RPN1: variants seen among roughly 807,000 people sequenced by gnomAD.
RPN1 encodes the protein dolichyl-diphosphooligosaccharide--protein glycosyltransferase subunit 1.
Under a neutral mutation model 55.5 loss-of-function variants are expected in RPN1, and 12 were observed. The observed-to-expected ratio is 0.22, with a 90% CI of 0.14 to 0.35. The LOEUF is 0.35. Ranked by LOEUF, RPN1 falls within the 10% of genes least tolerant of loss-of-function variation. The pLI is 1.00. For missense variants in RPN1, 679 were observed against 761.3 expected (o/e 0.89, Z 1.27); for synonymous variants, 317 against 305.9 (o/e 1.04, Z -0.38).
At position 128,619,971 on chromosome 3, in the gene RPN1, A is replaced by G; in HGVS notation, c.*440T>C. ...GAGATCTTCAACAGACCAAAAACAA[A>G]TGTTCACAGTCCCTGCTTTATTTCC... is the stretch of plus-strand genomic sequence containing the variant. On this transcript the variant is annotated 3_prime_UTR_variant, in exon 10 of 10. Transcript: ENST00000296255. 1 of 209,240 alleles carries G rather than the reference A, an allele frequency of 4.8e-6. No individual in the cohort carries two copies. The highest frequency in any genetic ancestry group is 1.9e-4 in the South Asian group (1 of 5,320). The allele number at this position is 209,240 out of a possible 1,614,324, so 13.0% of individuals were successfully genotyped here. A position where few individuals can be genotyped will look rare whatever the true frequency, so the allele number is the denominator to read the frequency against.
intron 1 of RPN1, among the ~76,000 whole-genome samples, chr3:128,647,157 A>G (rs550122575): frequency 4.6e-5 from 7 of 152,244 alleles, no homozygotes; most frequent in South Asian, 2.1e-4. Flanking sequence ...AGCAGACTGC[A>G]AGGGAGAAGG....
chr3:128,645,005 T>C, intron 1 of RPN1, 22 bp from the exon 2 acceptor site: 3 of 1,397,292 alleles, frequency 2.1e-6, no homozygotes, highest in Non-Finnish European at 3.1e-6. Flanking sequence ...AAAGATAGTT[T>C]ATTATTCATG....
In RPN1 at chr3:128,626,838, G is replaced by C. The variant is rs960257107; in HGVS notation, c.1037-6C>G. The C allele has an allele frequency of 6.2e-7, 1 of 1,613,138 alleles. No individual in the cohort carries two copies. Among genetic ancestry groups the C allele is most frequent in the Admixed American group, 1.7e-5 (1 of 60,004 alleles). ...CTTCAGTGCATACTGGTCACCTGAA[G>C]GATCAAGCAAGCATAAGCAATGATG... On this transcript the variant is annotated splice_polypyrimidine_tract_variant and splice_region_variant and intron_variant, in intron 5 of 9. Coordinates refer to ENST00000296255, the MANE Select transcript of RPN1 (RefSeq NM_002950.4).
intron 1 of RPN1, among the ~76,000 whole-genome samples, chr3:128,649,394 A>G (rs2069796592): frequency 6.6e-6 from 1 of 152,208 alleles, no homozygotes; most frequent in South Asian, 2.1e-4. Context: ...ACATTCAAAG[A>G]TGGCAAGGCA....
intron 3 of RPN1, among the ~76,000 whole-genome samples, chr3:128,632,992 A>C (rs2069652216): frequency 6.6e-6 from 1 of 152,218 alleles, no homozygotes; most frequent in Non-Finnish European, 1.5e-5. Context: ...CATGAAAAGG[A>C]CAAGATCTAT....
rs10575402 is a variant in RPN1 at position 128,636,485 on chromosome 3, C to CA, written c.633+1313dup. Among the ~76,000 whole-genome samples the CA allele has an allele frequency of 3.4e-4, 51 of 148,998 alleles. 2 individuals are homozygous for CA. The East Asian group carries it at 4.3e-3, about 13-fold the overall frequency. ...CAAAAAAAATAAAATAAAATAAAGA[C>CA]AAAAAAAAAAAAAGAAACAATTATT... is the stretch of plus-strand genomic sequence containing the variant. On this transcript the variant is annotated intron_variant, in intron 3 of 9. Coordinates refer to ENST00000296255, the MANE Select transcript of RPN1 (RefSeq NM_002950.4).
At chr3:128,650,516 C>G in intron 1 of RPN1, 24 bp downstream of exon 1, 2 of 1,516,058 alleles carry the variant, frequency 1.3e-6, no homozygotes, top group Non-Finnish European at 8.8e-7. Context: ...CCGGGAGCGG[C>G]GGCGAGGGGT....
At chr3:128,626,093 TAAGG>T in intron 6 of RPN1, 81 bp from the exon 7 acceptor site, 1 of 1,399,156 alleles carries the variant, frequency 7.1e-7, no homozygotes, top group Non-Finnish European at 9.7e-7. Flanking sequence ...ATTCCAAGGC[TAAGG>T]AGCCTTTCAA....
intron 1 of RPN1, 63 bp downstream of exon 1, chr3:128,650,477 G>A: frequency 2.1e-6 from 3 of 1,455,776 alleles, no homozygotes; most frequent in South Asian, 1.3e-5. Context: ...GGAGTCGGGG[G>A]ACCGCCAGGA....
intron 2 of RPN1, among the ~76,000 whole-genome samples, chr3:128,644,147 A>G: frequency 6.6e-6 from 1 of 152,156 alleles, no homozygotes; most frequent in East Asian, 1.9e-4. Flanking sequence ...AGATAGGAGA[A>G]TACTTGCTGA....
In RPN1 at chr3:128,625,526, G is replaced by T. The variant is rs200378103; in HGVS notation, c.1395+8C>A. On this transcript the variant is annotated splice_region_variant and intron_variant, in intron 8 of 9. Transcript: ENST00000296255. ...AAATGACAAGCAGGAAGAAGGCAGAGACGGTACCTTGGTGATGGAGAAGTC... is the reference window on the plus strand; with the variant it reads ...AAATGACAAGCAGGAAGAAGGCAGATACGGTACCTTGGTGATGGAGAAGTC... 6.2e-7 allele frequency: 1 copy of T among 1,614,084 alleles called. No homozygotes were observed. Among genetic ancestry groups the T allele is most frequent in the East Asian group, 2.2e-5 (1 of 44,850 alleles).
Position 128,638,096 on chromosome 3 carries a change from G to T in RPN1, c.336C>A (p.Phe112Leu), listed in dbSNP as rs1191615052. Residue 112 changes from phenylalanine (F) to leucine (L), a missense_variant, in exon 3 of 10, where the codon TTC (phenylalanine) becomes TTA (leucine). Physicochemically the swap from Phe to Leu is conservative, Grantham distance 22. Coordinates refer to ENST00000296255, the MANE Select transcript of RPN1 (RefSeq NM_002950.4). Reference protein sequence around the residue: ...ETKIKGKSGRFFTVKLPVALD... With the variant: ...ETKIKGKSGRLFTVKLPVALD... ...GAGCAACTGGGAGCTTGACTGTGAA[G>T]AATCTCCCACTAAAGGAAGAACAAG... is the stretch of plus-strand genomic sequence containing the variant. 6.2e-7 allele frequency: 1 copy of T among 1,611,340 alleles called. No individual in the cohort carries two copies. The highest frequency in any genetic ancestry group is 2.2e-5 in the East Asian group (1 of 44,844).
chr3:128,626,629 A>G, intron 6 of RPN1, 104 bp downstream of exon 6: 1 of 955,210 alleles, frequency 1.0e-6, no homozygotes. Context: ...ATCTAGAGAA[A>G]AGTGACACAA....
At chr3:128,635,690 T>TATACAC (rs376139334) in intron 3 of RPN1, among the ~76,000 whole-genome samples, 21 of 138,276 alleles carry the variant, frequency 1.5e-4, no homozygotes, top group African/African-American at 4.1e-4. Context: ...TCTATAGATA[T>TATACAC]ACACACACAC....
At chr3:128,644,546 C>A in intron 2 of RPN1, 1 of 442,404 alleles carries the variant, frequency 2.3e-6, no homozygotes, top group Non-Finnish European at 4.4e-6. Flanking sequence ...TCTAGTCCCA[C>A]CTATTTGGGA....
chr3:128,634,022 A>G (rs2069660036), intron 3 of RPN1, among the ~76,000 whole-genome samples: 1 of 151,726 alleles, frequency 6.6e-6, no homozygotes, highest in African/African-American at 2.4e-5. Flanking sequence ...AAACAACAAA[A>G]CAAAAAAACT....
In RPN1 at chr3:128,650,710, G is replaced by A. The variant is rs1448803131; in HGVS notation, c.91C>T (p.Leu31=). The A allele has an allele frequency of 6.4e-7, 1 of 1,567,930 alleles. No homozygotes were observed. The highest frequency in any genetic ancestry group is 1.9e-5 in the Admixed American group (1 of 53,070). Reference sequence around the variant, plus strand: ...GTGCGCTTCACGTCCTCATTGATCAGCGGCGGTGCCTCGGAGGAGGCGCTG... The same window carrying A: ...GTGCGCTTCACGTCCTCATTGATCAACGGCGGTGCCTCGGAGGAGGCGCTG... ...PGSASSEAPP[L]INEDVKRTVD... is the part of the protein sequence containing the mutation. Residue 31 remains leucine, a synonymous_variant, in exon 1 of 10, where the codon CTG becomes TTG. Coordinates refer to ENST00000296255, the MANE Select transcript of RPN1 (RefSeq NM_002950.4).
intron 5 of RPN1, among the ~76,000 whole-genome samples, chr3:128,629,144 G>C (rs1325869842): frequency 6.6e-6 from 1 of 151,914 alleles, no homozygotes; most frequent in Non-Finnish European, 1.5e-5. Context: ...TGAGTAGCTA[G>C]CAAATTTTGA....
intron 1 of RPN1, among the ~76,000 whole-genome samples, chr3:128,646,346 C>T (rs1048501342): frequency 2.6e-5 from 4 of 151,716 alleles, no homozygotes; most frequent in African/African-American, 4.8e-5. Flanking sequence ...ATTACAGGCA[C>T]GAGATACCAC....
Sources: allele counts gnomAD v4.1 joint callset (sites outside exome capture counted in the v4.1 genomes callset), GRCh38; gene constraint gnomAD v4.1.1; transcripts MANE v1.5; gene names NCBI Gene and HGNC (gene_info 2026-07-23, HGNC 2026-07-21).